The following LGR6 variants were observed in gnomAD, a reference collection of about 807,000 sequenced individuals.
LGR6 encodes the protein leucine-rich repeat-containing G protein-coupled receptor 6.
In LGR6, 45 loss-of-function variants were observed where a neutral mutation model predicts 69.4. The observed-to-expected ratio is 0.65, with a 90% CI of 0.51 to 0.83. The LOEUF (loss-of-function observed/expected upper bound fraction) is 0.83. Among genes scored for constraint, LGR6 ranks in the 40% least tolerant of loss-of-function variants. The probability of loss-of-function intolerance (pLI) is 0.00; values close to 1 mark genes in which losing one functional copy is unlikely to be tolerated. For synonymous variants in LGR6, 538 were observed against 555.0 expected (o/e 0.97, Z 0.43); for missense variants, 1,108 against 1,246.7 (o/e 0.89, Z 1.68).
At chr1:202,235,028 C>A (rs572702629) in intron 3 of LGR6, among the ~76,000 whole-genome samples, 1 of 152,294 alleles carries the variant, frequency 6.6e-6, no homozygotes, top group African/African-American at 2.4e-5. Flanking sequence ...TGTCTTTACC[C>A]AGTTCCTTCT....
At chr1:202,240,793 T>G (rs545585355) in intron 4 of LGR6, among the ~76,000 whole-genome samples, 191 of 152,210 alleles carry the variant, frequency 1.3e-3, no homozygotes, top group African/African-American at 4.3e-3. Flanking sequence ...AAAATGACAA[T>G]TTTTTGGACT....
rs867015265 is a variant in LGR6 at position 202,305,575 on chromosome 1, C to T, written c.1071-109C>T. 5 of 898,796 alleles carry T rather than the reference C, an allele frequency of 5.6e-6. No homozygotes were observed. The African/African-American group carries it at 8.2e-5, about 15-fold the overall frequency. 55.7% of individuals were successfully genotyped at this position (898,796 alleles called of 1,614,324 possible). ...CATGTCCCTGTGGGGTCCCCACAGC[C>T]TTCAGCTAATTGACAGGAAAGCACA... On this transcript the variant is annotated intron_variant, in intron 11 of 17. Coordinates refer to ENST00000367278, the MANE Select transcript of LGR6 (RefSeq NM_001017403.2).
intron 4 of LGR6, among the ~76,000 whole-genome samples, chr1:202,274,142 T>C (rs1665347362): frequency 6.6e-6 from 1 of 152,114 alleles, no homozygotes; most frequent in Non-Finnish European, 1.5e-5. Context: ...TCCTCGACCA[T>C]CCCTGGTAAG....
chr1:202,298,082 A>G (rs1214825082), intron 7 of LGR6, among the ~76,000 whole-genome samples: 1 of 152,250 alleles, frequency 6.6e-6, no homozygotes, highest in Admixed American at 6.5e-5. Context: ...AAACACAAAC[A>G]AAGGGTCAGA....
intron 1 of LGR6, among the ~76,000 whole-genome samples, chr1:202,209,377 A>G (rs541316050): frequency 3.3e-5 from 5 of 152,226 alleles, no homozygotes; most frequent in Admixed American, 2.6e-4. Flanking sequence ...AAATCCACAC[A>G]TCCACTCAGC....
chr1:202,282,354 C>G (rs1298745230), intron 6 of LGR6, among the ~76,000 whole-genome samples: 30 of 152,176 alleles, frequency 2.0e-4, no homozygotes. Flanking sequence ...AGAGACAGAG[C>G]AGATCTAGGG....
chr1:202,235,724 A>G (rs556383512), intron 3 of LGR6, among the ~76,000 whole-genome samples, 198 bp from the exon 4 acceptor site: 3 of 151,906 alleles, frequency 2.0e-5, no homozygotes, highest in Admixed American at 6.6e-5. Flanking sequence ...CCCATGTACA[A>G]CACCCCAGGG....
Position 202,212,136 on chromosome 1 carries a change from G to A in LGR6, c.213-13287G>A, listed in dbSNP as rs560654512. 2.1e-4 allele frequency among the ~76,000 whole-genome samples: 32 copies of A among 152,290 alleles called. No homozygotes were observed. In the South Asian group the frequency reaches 3.7e-3, roughly 18 times the overall value. On this transcript the variant is annotated intron_variant, in intron 1 of 17. Transcript: ENST00000367278. ...ACCACCGCTATGAGCAGTTTCGTAC[G>A]GTTGTCTAGTGAGCATATGGATGTG...
At chr1:202,305,574 C>T (rs1219004896) in intron 11 of LGR6, 110 bp from the exon 12 acceptor site, 2 of 885,802 alleles carry the variant, frequency 2.3e-6, no homozygotes, top group Non-Finnish European at 3.8e-6. Flanking sequence ...GTCCCCACAG[C>T]CTTCAGCTAA....
intron 5 of LGR6, among the ~76,000 whole-genome samples, chr1:202,279,857 C>T (rs1442536021): frequency 6.6e-6 from 1 of 152,182 alleles, no homozygotes; most frequent in Non-Finnish European, 1.5e-5. Flanking sequence ...CTCATTTTTT[C>T]AAGTGATGTA....
chr1:202,218,843 A>G (rs1234990964), intron 1 of LGR6, among the ~76,000 whole-genome samples: 2 of 152,184 alleles, frequency 1.3e-5, no homozygotes, highest in Non-Finnish European at 2.9e-5. Flanking sequence ...GCTGCAGAGC[A>G]GTTTGTAAAC....
intron 6 of LGR6, among the ~76,000 whole-genome samples, chr1:202,287,884 A>G (rs1666512278): frequency 6.6e-6 from 1 of 152,108 alleles, no homozygotes; most frequent in Non-Finnish European, 1.5e-5. Flanking sequence ...CTCTGCTTTC[A>G]TTCTTGTCAT....
At chr1:202,306,636 C>G (rs1653215334) in intron 12 of LGR6, 2 of 571,042 alleles carry the variant, frequency 3.5e-6, no homozygotes, top group Non-Finnish European at 6.3e-6. Flanking sequence ...GAAGCTGACT[C>G]CCTTTTGGGC....
rs374134674 is a variant in LGR6 at position 202,306,963 on chromosome 1, G to C, written c.1208+24G>C. ...CTGTGAGTACCCACATCCAGGGGTG[G>C]GCCATGGAGGAGCCACCGTGTCCCT... On this transcript the variant is annotated intron_variant, in intron 13 of 17. Coordinates refer to ENST00000367278, the MANE Select transcript of LGR6 (RefSeq NM_001017403.2). 6 of 1,598,824 alleles carry C rather than the reference G, an allele frequency of 3.8e-6. No individual in the cohort carries two copies. The African/African-American group carries it at 8.0e-5, about 21-fold the overall frequency.
Position 202,271,843 on chromosome 1 carries a change from G to A in LGR6, c.429-4463G>A, listed in dbSNP as rs570167254. 2.6e-3 allele frequency among the ~76,000 whole-genome samples: 396 copies of A among 150,682 alleles called. 2 individuals are homozygous for A. Among genetic ancestry groups the A allele is most frequent in the South Asian group, 0.018 (84 of 4,718 alleles). On this transcript the variant is annotated intron_variant, in intron 4 of 17. Coordinates refer to ENST00000367278, the MANE Select transcript of LGR6 (RefSeq NM_001017403.2). ...AAAAAAAAAAAAGAGAGAGGGGAGA[G>A]AGGAGAAAGTTTAATAGAAGCCAAT...
intron 4 of LGR6, among the ~76,000 whole-genome samples, chr1:202,252,421 C>T (rs1444600289): frequency 6.6e-6 from 1 of 152,228 alleles, no homozygotes; most frequent in Non-Finnish European, 1.5e-5. Context: ...CAGGCATCCT[C>T]ACTCTTTATA....
At chr1:202,287,215 GT>G (rs759279992) in intron 6 of LGR6, among the ~76,000 whole-genome samples, 1 of 152,108 alleles carries the variant, frequency 6.6e-6, no homozygotes, top group Non-Finnish European at 1.5e-5. Context: ...TATTTATTAA[GT>G]TTTTAGTATA....
intron 6 of LGR6, among the ~76,000 whole-genome samples, chr1:202,284,558 A>G (rs1007870163): frequency 6.6e-6 from 1 of 152,204 alleles, no homozygotes; most frequent in Admixed American, 6.5e-5. Flanking sequence ...CTTCCCAGGT[A>G]TCTAGGCTGA....
chr1:202,229,802 A>G (rs1433158900), intron 3 of LGR6, among the ~76,000 whole-genome samples: 1 of 152,122 alleles, frequency 6.6e-6, no homozygotes. Flanking sequence ...TGGTCCCCCA[A>G]AGCCTTTGTG....
Sources: gnomAD v4.1 joint callset for allele counts (sites outside exome capture counted in the v4.1 genomes callset) on GRCh38, gnomAD v4.1.1 for gene constraint, MANE v1.5 for transcripts, NCBI Gene and HGNC (gene_info 2026-07-23, HGNC 2026-07-21) for gene names.